The following TMEM131 variants were observed in gnomAD, a reference collection of about 807,000 sequenced individuals.
The protein encoded by TMEM131 is 2610524E03Rik.
In TMEM131, 66 loss-of-function variants were observed where a neutral mutation model predicts 211.6. The observed-to-expected ratio is 0.31, with a 90% CI of 0.26 to 0.38. The LOEUF is 0.38. Among genes scored for constraint, TMEM131 ranks in the 10% least tolerant of loss-of-function variants. TMEM131 has a pLI of 1.00. For synonymous variants in TMEM131, 844 were observed against 841.3 expected, an observed-to-expected ratio of 1.00 and a Z score of -0.06; for missense variants, 2,036 against 2,299.3, an observed-to-expected ratio of 0.89 and a Z score of 2.34.
At chr2:97,950,208 G>T (rs1010492387) in intron 1 of TMEM131, among the ~76,000 whole-genome samples, 1 of 152,154 alleles carries the variant, frequency 6.6e-6, no homozygotes, top group African/African-American at 2.4e-5. Context: ...ATGGAAAAAA[G>T]TATTTCCCCA....
At chr2:97,820,512 T>C (rs75233817) in intron 11 of TMEM131, among the ~76,000 whole-genome samples, 1,999 of 152,252 alleles carry the variant, frequency 0.013, 49 homozygotes, top group African/African-American at 0.046. Flanking sequence ...TAACTAGAGA[T>C]GTGAGCTTGA....
chr2:97,774,898 C>T (rs6748814), intron 32 of TMEM131, among the ~76,000 whole-genome samples: 6,440 of 152,038 alleles, frequency 0.042, 233 homozygotes, highest in African/African-American at 0.1. Flanking sequence ...ACCACGGTAA[C>T]GGTGAGGGAA....
intron 1 of TMEM131, among the ~76,000 whole-genome samples, chr2:97,991,770 G>A (rs1680278727): frequency 6.6e-6 from 1 of 152,218 alleles, no homozygotes; most frequent in African/African-American, 2.4e-5. Context: ...ATATAGGCAA[G>A]AGAGAGAACA....
At chr2:97,787,825 A>G (rs960694354) in intron 31 of TMEM131, among the ~76,000 whole-genome samples, 1 of 151,980 alleles carries the variant, frequency 6.6e-6, no homozygotes, top group African/African-American at 2.4e-5. Flanking sequence ...CTGACATCCC[A>G]TTTCCAAGGC....
chr2:97,923,781 T>C (rs763387834), intron 2 of TMEM131, among the ~76,000 whole-genome samples: 8 of 152,104 alleles, frequency 5.3e-5, no homozygotes, highest in Non-Finnish European at 1.0e-4. Context: ...TCCTGACCTT[T>C]ATCTTCATAT....
At chr2:97,863,888 T>G (rs1674163052) in intron 4 of TMEM131, among the ~76,000 whole-genome samples, 1 of 152,074 alleles carries the variant, frequency 6.6e-6, no homozygotes, top group Non-Finnish European at 1.5e-5. Flanking sequence ...ACACCCAAAA[T>G]AAAGGAAATC....
chr2:97,849,713 CTCTCTT>C (rs1432097560), intron 5 of TMEM131, among the ~76,000 whole-genome samples: 1 of 134,752 alleles, frequency 7.4e-6, no homozygotes, highest in East Asian at 2.0e-4. Context: ...ATATCTCTCT[CTCTCTT>C]TTTTTTTTTT....
chr2:97,791,299 T>C (rs1230805246), intron 31 of TMEM131, among the ~76,000 whole-genome samples: 1 of 152,106 alleles, frequency 6.6e-6, no homozygotes, highest in East Asian at 1.9e-4. Flanking sequence ...TCTCCTGGAG[T>C]GTGGGCTGGA....
At chr2:97,832,140 CA>C (rs1228174664) in intron 11 of TMEM131, among the ~76,000 whole-genome samples, 1 of 151,442 alleles carries the variant, frequency 6.6e-6, no homozygotes, top group Non-Finnish European at 1.5e-5. Context: ...CCAGTAAGAG[CA>C]AAAATGTTCA....
Position 97,793,453 on chromosome 2 carries a change from A to T in TMEM131, c.3487T>A (p.Phe1163Ile), listed in dbSNP as rs1232128649. 1 of 1,613,988 alleles carries T rather than the reference A, an allele frequency of 6.2e-7. No individual in the cohort carries two copies. Among genetic ancestry groups the T allele is most frequent in the Admixed American group, 1.7e-5 (1 of 60,012 alleles). Residue 1163 changes from phenylalanine (F) to isoleucine (I), a missense_variant, in exon 30 of 41, where the codon TTC becomes ATC. This residue lies in a region of TMEM131 where 1,623 missense variants were observed against 1,805.9 expected (regional missense o/e 0.90). Transcript: ENST00000186436. ...AGATCAAATGGCCTTCCCACATCGA[A>T]GGGCGGGTTCGAGGCCTCAAAGGAT... ...RLSFEASNPP[F>I]DVGRPFDLRR...
At chr2:97,884,645 T>A (rs561726763) in intron 4 of TMEM131, among the ~76,000 whole-genome samples, 2 of 152,358 alleles carry the variant, frequency 1.3e-5, no homozygotes, top group East Asian at 3.9e-4. Context: ...ATTTTCTTGC[T>A]TAACTGATCC....
At chr2:97,965,476 C>T (rs1453008288) in intron 1 of TMEM131, among the ~76,000 whole-genome samples, 4 of 152,118 alleles carry the variant, frequency 2.6e-5, no homozygotes, top group African/African-American at 4.8e-5. Context: ...TCGGGGTACC[C>T]GCCAGGTGGT....
intron 1 of TMEM131, among the ~76,000 whole-genome samples, chr2:97,982,470 GCTTT>G (rs1161639611): frequency 1.3e-5 from 2 of 151,480 alleles, no homozygotes; most frequent in Non-Finnish European, 2.9e-5. Flanking sequence ...TGGGTTTTCT[GCTTT>G]CTTTATAGGG....
At chr2:97,876,469 A>T (rs925306635) in intron 4 of TMEM131, among the ~76,000 whole-genome samples, 11 of 152,212 alleles carry the variant, frequency 7.2e-5, no homozygotes, top group Admixed American at 3.9e-4. Context: ...AAATACCGGC[A>T]AACTGAATAG....
intron 11 of TMEM131, among the ~76,000 whole-genome samples, chr2:97,831,444 G>A (rs1682681305): frequency 6.6e-6 from 1 of 152,108 alleles, no homozygotes; most frequent in Admixed American, 6.5e-5. Context: ...GGTGAATGAA[G>A]GCGGGAATAA....
chr2:97,924,375 C>G (rs531113899), intron 2 of TMEM131, among the ~76,000 whole-genome samples: 1 of 152,224 alleles, frequency 6.6e-6, no homozygotes, highest in Admixed American at 6.5e-5. Flanking sequence ...AGAGTGAGAC[C>G]CTGTCTCTAT....
intron 2 of TMEM131, among the ~76,000 whole-genome samples, chr2:97,909,248 G>C (rs1330762966): frequency 3.3e-5 from 5 of 152,164 alleles, no homozygotes; most frequent in Non-Finnish European, 7.3e-5. Flanking sequence ...AAAGCAGTGT[G>C]GCAGTGGGAT....
chr2:97,992,820 A>T (rs996392685), intron 1 of TMEM131, among the ~76,000 whole-genome samples: 4 of 152,214 alleles, frequency 2.6e-5, no homozygotes, highest in African/African-American at 9.6e-5. Flanking sequence ...CCTCAAGACA[A>T]AATCTTGCCA....
At chr2:97,759,433 A>G in intron 39 of TMEM131, 1 of 549,370 alleles carries the variant, frequency 1.8e-6, no homozygotes, top group East Asian at 3.0e-5. Flanking sequence ...ACTCACACCA[A>G]CTGGTGTGCG....
Sources: allele counts gnomAD v4.1 joint callset (sites outside exome capture counted in the v4.1 genomes callset), GRCh38; gene constraint gnomAD v4.1.1; regional missense constraint gnomAD v4.1.1; transcripts MANE v1.5; gene names NCBI Gene and HGNC (gene_info 2026-07-23, HGNC 2026-07-21).